Variants in GCN1 observed in about 807,000 individuals in gnomAD.
GCN1 encodes the protein stalled ribosome sensor GCN1.
Under a neutral mutation model 288.4 loss-of-function variants are expected in GCN1, and 90 were observed. The ratio of observed to expected loss-of-function variants is 0.31; its 90% CI spans 0.26 to 0.37. The LOEUF (loss-of-function observed/expected upper bound fraction) is 0.37. Ranked by LOEUF, GCN1 falls within the 10% of genes least tolerant of loss-of-function variation. The pLI, the probability that GCN1 is intolerant of heterozygous loss-of-function variation, is 1.00. For missense variants in GCN1, 2,586 were observed against 3,419.9 expected (o/e 0.76, Z 6.08); for synonymous variants, 1,386 against 1,420.2 (o/e 0.98, Z 0.54).
chr12:120,178,546 G>C, intron 7 of GCN1, 79 bp downstream of exon 7: 1 of 1,449,722 alleles, frequency 6.9e-7, no homozygotes, highest in Non-Finnish European at 9.7e-7. Context: ...GGGCAAAGCA[G>C]GTTCCCATTC....
chr12:120,127,747 G>T lies in GCN1; in HGVS notation c.*102C>A. The T allele has an allele frequency of 7.8e-7, 1 of 1,275,948 alleles. No homozygotes were observed. The highest frequency in any genetic ancestry group is 1.1e-6 in the Non-Finnish European group (1 of 904,266). 79.0% of individuals were successfully genotyped at this position (1,275,948 alleles called of 1,614,324 possible). On this transcript the variant is annotated 3_prime_UTR_variant, in exon 58 of 58. Coordinates refer to ENST00000300648, the MANE Select transcript of GCN1 (RefSeq NM_006836.2). ...CTATTGATATTAAAATACTTTCTGG[G>T]AACGCCATCTTCCAAGCTCCCCATT...
At chr12:120,139,365 G>A (rs921721822) in intron 45 of GCN1, among the ~76,000 whole-genome samples, 3 of 151,366 alleles carry the variant, frequency 2.0e-5, no homozygotes, top group Non-Finnish European at 4.4e-5. Context: ...AGTGGCTCAC[G>A]CCTGTAATCC....
At position 120,134,158 on chromosome 12, in the gene GCN1, G is replaced by A. The variant is rs1876919536; in HGVS notation, c.7317+133C>T. 1 of 636,356 alleles carries A rather than the reference G, an allele frequency of 1.6e-6. No individual in the cohort carries two copies. Among genetic ancestry groups the A allele is most frequent in the Non-Finnish European group, 2.8e-6 (1 of 351,952 alleles). 39.4% of individuals were successfully genotyped at this position (636,356 alleles called of 1,614,324 possible). ...GAGGAAATGTTGGTGAAGCATACAGGGTGATAGAAATGTCAGGAATGCTTA... is the reference window on the plus strand; with the variant it reads ...GAGGAAATGTTGGTGAAGCATACAGAGTGATAGAAATGTCAGGAATGCTTA... On this transcript the variant is annotated intron_variant, in intron 53 of 57. Coordinates refer to ENST00000300648, the MANE Select transcript of GCN1 (RefSeq NM_006836.2). The surrounding 1 kb of genome is among the most constrained non-coding windows in gnomAD (Gnocchi z 5.0).
intron 18 of GCN1, among the ~76,000 whole-genome samples, chr12:120,164,002 G>A (rs966775672): frequency 2.6e-5 from 4 of 152,168 alleles, no homozygotes; most frequent in African/African-American, 7.2e-5. Context: ...TGCAGGTGGT[G>A]TGCACCTATA....
At chr12:120,145,432 G>T in intron 38 of GCN1, 102 bp from the exon 39 acceptor site, 1 of 833,478 alleles carries the variant, frequency 1.2e-6, no homozygotes, top group Non-Finnish European at 1.8e-6. Flanking sequence ...GGCAAGGAGT[G>T]CTTGGCAGGG....
chr12:120,178,644 T>A lies in GCN1; in HGVS notation c.641A>T (p.Asp214Val). 6.2e-7 allele frequency: 1 copy of A among 1,614,232 alleles called. No homozygotes were observed. Among genetic ancestry groups the A allele is most frequent in the Non-Finnish European group, 8.5e-7 (1 of 1,180,038 alleles). ...ACTTGCCTTGTGCTGACTGACCACGTCCATCTCCTTGTGACTCGTGCAGAA... is the reference window on the plus strand; with the variant it reads ...ACTTGCCTTGTGCTGACTGACCACGACCATCTCCTTGTGACTCGTGCAGAA... ...VQFCTSHKEM[D>V]VVSQHKSALL... The change falls in exon 7 of 58, where the codon GAC (aspartate) becomes GTC (valine). Residue 214 changes from aspartate to valine, a missense_variant. Physicochemically the swap from Asp to Val is radical, Grantham distance 152 (BLOSUM62 -3). Transcript: ENST00000300648.
chr12:120,190,694 T>G (rs1301314504), intron 1 of GCN1, among the ~76,000 whole-genome samples: 1 of 152,190 alleles, frequency 6.6e-6, no homozygotes, highest in African/African-American at 2.4e-5. Flanking sequence ...ATGTACTGCT[T>G]TAATTCAACT....
At chr12:120,193,573 G>C (rs567516167) in intron 1 of GCN1, among the ~76,000 whole-genome samples, 145 of 152,302 alleles carry the variant, frequency 9.5e-4, no homozygotes, top group African/African-American at 3.3e-3. Flanking sequence ...CCAAAGTGCT[G>C]GGATTACAGG....
At chr12:120,162,398 T>C (rs1378241552) in intron 20 of GCN1, among the ~76,000 whole-genome samples, 1 of 152,312 alleles carries the variant, frequency 6.6e-6, no homozygotes, top group East Asian at 1.9e-4. Flanking sequence ...CCAAGTCAGA[T>C]TAATCAGGGT....
At chr12:120,141,996 T>C (rs895134904) in intron 44 of GCN1, among the ~76,000 whole-genome samples, 4 of 152,222 alleles carry the variant, frequency 2.6e-5, no homozygotes, top group African/African-American at 9.6e-5. Flanking sequence ...TGTCCCCAGG[T>C]GCTAGGCCCC....
Position 120,178,937 on chromosome 12 carries a change from C to G in GCN1, c.440G>C (p.Cys147Ser), listed in dbSNP as rs772731840. 6.2e-7 allele frequency: 1 copy of G among 1,613,226 alleles called. No homozygotes were observed. ...ACCCAGCACCTCCAGCAAGAGCAGG[C>G]ACTGCACTTCCACCTGCCAGGACCA... Reference protein sequence around the residue: ...DIWNKLVEVQCLLLLEVLGGS... With the variant: ...DIWNKLVEVQSLLLLEVLGGS... Residue 147 changes from cysteine to serine, a missense_variant, in exon 6 of 58, where the codon TGC (cysteine) becomes TCC (serine). Transcript: ENST00000300648.
chr12:120,174,349 A>T (rs1010720371), intron 12 of GCN1, among the ~76,000 whole-genome samples, 180 bp from the exon 13 acceptor site: 3 of 152,034 alleles, frequency 2.0e-5, no homozygotes, highest in African/African-American at 7.3e-5. Context: ...CCTGCCTTCT[A>T]TAGAAGCCAA....
chr12:120,182,445 T>G (rs1878695618), intron 5 of GCN1, among the ~76,000 whole-genome samples: 1 of 152,170 alleles, frequency 6.6e-6, no homozygotes, highest in Non-Finnish European at 1.5e-5. Flanking sequence ...GAGCGGTACT[T>G]GTGTTTCCTA....
intron 16 of GCN1, among the ~76,000 whole-genome samples, chr12:120,166,670 C>G (rs1408770261): frequency 6.7e-6 from 1 of 149,154 alleles, no homozygotes; most frequent in Non-Finnish European, 1.5e-5. Context: ...CGCCACTGCA[C>G]TCCAGCCTGG....
At chr12:120,174,857 T>C (rs913263705) in intron 12 of GCN1, among the ~76,000 whole-genome samples, 4 of 145,138 alleles carry the variant, frequency 2.8e-5, no homozygotes, top group African/African-American at 1.0e-4. Context: ...AGAGAAATCC[T>C]GTACCTGCCT....
chr12:120,165,002 TACACACACACACACAC>T lies in GCN1; in HGVS notation c.1613-297_1613-282del, dbSNP rs55710290. ...ATACATATACATATATACACATATA[TACACACACACACACAC>T]ACACACACACACACACACATATATA... On this transcript the variant is annotated intron_variant, in intron 16 of 57. Transcript: ENST00000300648. Among the ~76,000 whole-genome samples the T allele has an allele frequency of 4.8e-3, 652 of 136,892 alleles. 1 individual carries two copies. The highest frequency in any genetic ancestry group is 7.7e-3 in the Non-Finnish European group (505 of 65,472). The allele number at this position is 136,892 out of a possible 152,430, so 89.8% of individuals were successfully genotyped here.
Position 120,192,169 on chromosome 12 carries a change from T to C in GCN1, c.19-1769A>G, listed in dbSNP as rs143824098. 4.3e-3 allele frequency among the ~76,000 whole-genome samples: 655 copies of C among 152,326 alleles called. 6 individuals carry two copies. Among genetic ancestry groups the C allele is most frequent in the African/African-American group, 0.015 (626 of 41,566 alleles). On this transcript the variant is annotated intron_variant, in intron 1 of 57. Coordinates refer to ENST00000300648, the MANE Select transcript of GCN1 (RefSeq NM_006836.2). ...TTATAAATAATTAAAACCCAAACTT[T>C]TTGCCATTTGTCTAAATCTCAGTAC...
chr12:120,176,844 G>A (rs138011002), intron 9 of GCN1, among the ~76,000 whole-genome samples: 5,564 of 152,132 alleles, frequency 0.037, 325 homozygotes, highest in African/African-American at 0.12. Flanking sequence ...TTGCCTCACT[G>A]CAACCTCCAC....
At chr12:120,133,899 A>C (rs912691056) in intron 53 of GCN1, among the ~76,000 whole-genome samples, 1 of 152,140 alleles carries the variant, frequency 6.6e-6, no homozygotes, top group Non-Finnish European at 1.5e-5. Context: ...GTGAAACCCT[A>C]TCTCTACTAA....
Sources: allele counts gnomAD v4.1 joint callset (sites outside exome capture counted in the v4.1 genomes callset), GRCh38; gene constraint gnomAD v4.1.1; non-coding constraint Gnocchi (gnomAD v3.1); transcripts MANE v1.5; gene names NCBI Gene and HGNC (gene_info 2026-07-23, HGNC 2026-07-21).